Variants in SLC17A6 observed in about 807,000 individuals in gnomAD.
SLC17A6 encodes vesicular glutamate transporter 2.
A neutral mutation model predicts 67.1 loss-of-function variants in SLC17A6; 35 were observed. The ratio of observed to expected loss-of-function variants is 0.52; its 90% CI spans 0.40 to 0.69. The LOEUF is 0.69. SLC17A6 is among the 30% of genes least tolerant of loss of function. SLC17A6 has a pLI of 0.00. For missense variants in SLC17A6, 588 were observed against 723.9 expected, an observed-to-expected ratio of 0.81 and a Z score of 2.15; for synonymous variants, 285 against 252.3, an observed-to-expected ratio of 1.13 and a Z score of -1.23.
rs898890702 is a variant in SLC17A6, at chr11:22,341,554, G to A, written c.113G>A (p.Gly38Glu). 6.2e-7 allele frequency: 1 copy of A among 1,613,816 alleles called. No homozygotes were observed. Among genetic ancestry groups the A allele is most frequent in the African/African-American group, 1.3e-5 (1 of 74,940 alleles). Residue 38 changes from glycine (G) to glutamate (E), a missense_variant, in exon 2 of 12, where the codon GGG (glycine) becomes GAG (glutamate). Transcript: ENST00000263160. ...GTGCTGGAGAAGAAGCAAGACACCG[G>A]GGAGACAATCGAGCTGACGGAGGAT... ...YRVLEKKQDT[G>E]ETIELTEDGK...
In SLC17A6 at chr11:22,374,817, A is replaced by C. The variant is rs1314464711; in HGVS notation, c.1104A>C (p.Gln368His). 8 of 1,613,700 alleles carry C rather than the reference A, an allele frequency of 5.0e-6. No individual in the cohort carries two copies. The highest frequency in any genetic ancestry group is 6.8e-6 in the Non-Finnish European group (8 of 1,179,864). ...VMTIIVPIGGQIADFLRSKQI... is the reference protein window; with the variant it reads ...VMTIIVPIGGHIADFLRSKQI... ...CAATTATTGTGCCTATTGGGGGACA[A>C]ATTGCAGATTTTCTAAGAAGCAAGC... is the stretch of plus-strand genomic sequence containing the variant. Residue 368 changes from glutamine to histidine, a missense_variant, in exon 9 of 12, where the codon CAA becomes CAC. This residue lies in a region of SLC17A6 where 414 missense variants were observed against 563.4 expected (regional missense o/e 0.73). Transcript: ENST00000263160.
intron 8 of SLC17A6, among the ~76,000 whole-genome samples, chr11:22,372,645 A>G (rs1201868697): frequency 6.6e-6 from 1 of 152,144 alleles, no homozygotes; most frequent in African/African-American, 2.4e-5. Context: ...ATAGGAAGAC[A>G]TACGATCTAG....
In SLC17A6 at chr11:22,362,807, T is replaced by A; in HGVS notation, c.730T>A (p.Ser244Thr). ...GILVQYTGWS[S>T]VFYVYGSFGM... The stretch of plus-strand genomic sequence containing the variant: ...TCTTGTGCAGTACACTGGCTGGTCT[T>A]CAGTGTTTTATGTCTACGGTATGTT... The change falls in exon 6 of 12, where the codon TCA becomes ACA. Residue 244 changes from serine to threonine, a missense_variant. Transcript: ENST00000263160. The A allele has an allele frequency of 6.2e-7, 1 of 1,613,644 alleles. No individual in the cohort carries two copies. The highest frequency in any genetic ancestry group is 8.5e-7 in the Non-Finnish European group (1 of 1,179,540).
chr11:22,377,657 A>G lies in SLC17A6; in HGVS notation c.1666A>G (p.Ser556Gly). ...AACACAGGCCAATGGAGGTTGGCCT[A>G]GTGGTTGGGAAAAGAAAGAGGAATT... ...ATTQANGGWP[S>G]GWEKKEEFVQ... is the part of the protein sequence containing the mutation. Residue 556 changes from serine to glycine, a missense_variant, in exon 12 of 12, where the codon AGT becomes GGT. Coordinates refer to ENST00000263160, the MANE Select transcript of SLC17A6 (RefSeq NM_020346.3). 1 of 1,613,732 alleles carries G rather than the reference A, an allele frequency of 6.2e-7. No homozygotes were observed. Among genetic ancestry groups the G allele is most frequent in the Non-Finnish European group, 8.5e-7 (1 of 1,179,902 alleles).
intron 2 of SLC17A6, among the ~76,000 whole-genome samples, chr11:22,342,421 G>A (rs1225362165): frequency 6.6e-6 from 1 of 152,134 alleles, no homozygotes; most frequent in Non-Finnish European, 1.5e-5. Context: ...TGGAGAAACT[G>A]GGGAAGACTC....
chr11:22,361,158 A>G (rs1856047836), intron 5 of SLC17A6, 174 bp downstream of exon 5: 1 of 523,518 alleles, frequency 1.9e-6, no homozygotes, highest in East Asian at 3.0e-5. Context: ...TGTTTTGCTT[A>G]AATCTTCTAT....
intron 8 of SLC17A6, among the ~76,000 whole-genome samples, chr11:22,370,743 A>G (rs1856166294): frequency 6.6e-6 from 1 of 152,166 alleles, no homozygotes; most frequent in African/African-American, 2.4e-5. Flanking sequence ...CAGAAATAAA[A>G]ACATGGTTTC....
intron 9 of SLC17A6, among the ~76,000 whole-genome samples, chr11:22,375,319 C>T (rs1856220686): frequency 6.6e-6 from 1 of 150,882 alleles, no homozygotes; most frequent in Non-Finnish European, 1.5e-5. Context: ...TTGCAGTGAG[C>T]CGAGATCACA....
intron 3 of SLC17A6, among the ~76,000 whole-genome samples, chr11:22,357,232 A>G (rs1856001406): frequency 1.3e-5 from 2 of 152,236 alleles, no homozygotes; most frequent in Admixed American, 1.3e-4. Flanking sequence ...ATATGGTATA[A>G]TGAATAATAC....
chr11:22,365,791 G>T (rs1175595193), intron 7 of SLC17A6, 102 bp downstream of exon 7: 2 of 1,258,242 alleles, frequency 1.6e-6, no homozygotes, highest in East Asian at 2.5e-5. Context: ...AACTAATTTG[G>T]TATCAATCAT....
intron 6 of SLC17A6, among the ~76,000 whole-genome samples, chr11:22,364,455 G>T (rs1417418275): frequency 1.3e-5 from 2 of 151,964 alleles, no homozygotes; most frequent in Non-Finnish European, 2.9e-5. Context: ...TTACTGATTG[G>T]ATCATATAGC....
chr11:22,360,019 A>G (rs1411939617), intron 4 of SLC17A6, among the ~76,000 whole-genome samples: 1 of 152,072 alleles, frequency 6.6e-6, no homozygotes, highest in African/African-American at 2.4e-5. Context: ...AAAGAATTCC[A>G]CTTAAAAACT....
chr11:22,372,550 C>T (rs1407243820), intron 8 of SLC17A6, among the ~76,000 whole-genome samples: 1 of 151,990 alleles, frequency 6.6e-6, no homozygotes, highest in African/African-American at 2.4e-5. Context: ...ACATCCATTC[C>T]TTTTGAGCTT....
At chr11:22,340,262 G>C (rs968217335) in intron 1 of SLC17A6, among the ~76,000 whole-genome samples, 2 of 152,178 alleles carry the variant, frequency 1.3e-5, no homozygotes, top group African/African-American at 4.8e-5. Flanking sequence ...AATTGTAAAC[G>C]GAAAGGCTCT....
chr11:22,354,794 T>C (rs968102802), intron 3 of SLC17A6, among the ~76,000 whole-genome samples: 5 of 152,202 alleles, frequency 3.3e-5, no homozygotes, highest in African/African-American at 1.2e-4. Context: ...GGTTACACCG[T>C]CTGTGAAGTA....
At chr11:22,366,794 C>A (rs1399622604) in intron 7 of SLC17A6, among the ~76,000 whole-genome samples, 1 of 151,976 alleles carries the variant, frequency 6.6e-6, no homozygotes, top group Non-Finnish European at 1.5e-5. Flanking sequence ...TGCCTGAGGT[C>A]AGGAGTTTGA....
intron 7 of SLC17A6, among the ~76,000 whole-genome samples, chr11:22,369,117 T>C (rs1221453224): frequency 6.6e-6 from 1 of 151,990 alleles, no homozygotes; most frequent in Non-Finnish European, 1.5e-5. Flanking sequence ...TTTAACAAAG[T>C]TATTTTAGGC....
At chr11:22,367,273 T>A (rs1420014860) in intron 7 of SLC17A6, among the ~76,000 whole-genome samples, 2 of 151,304 alleles carry the variant, frequency 1.3e-5, no homozygotes, top group African/African-American at 2.4e-5. Context: ...TGACATCTCA[T>A]CATAGGTTAA....
At position 22,359,471 on chromosome 11, in the gene SLC17A6, G is replaced by A. The variant is rs201082803; in HGVS notation, c.517G>A (p.Ala173Thr). The A allele has an allele frequency of 1.0e-5, 16 of 1,604,620 alleles. No individual in the cohort carries two copies. Among genetic ancestry groups the A allele is most frequent in the Non-Finnish European group, 4.3e-6 (5 of 1,175,118 alleles). The change falls in exon 4 of 12, where the codon GCC (alanine) becomes ACC (threonine). Residue 173 changes from alanine (A) to threonine (T), a missense_variant. By Grantham distance (58) the Ala-to-Thr change is moderately conservative. Around this residue, in one of 4 missense-constraint regions of SLC17A6, gnomAD observed 414 missense variants for 563.4 expected, o/e 0.73. Transcript: ENST00000263160. Reference sequence around the variant, plus strand: ...CCTAAATATGCTAATTCCATCAGCAGCCAGAGTGCATTATGGATGTGTCAT... The same window carrying A: ...CCTAAATATGCTAATTCCATCAGCAACCAGAGTGCATTATGGATGTGTCAT... ...STLNMLIPSA[A>T]RVHYGCVIFV...
Sources: allele counts gnomAD v4.1 joint callset (sites outside exome capture counted in the v4.1 genomes callset), GRCh38; gene constraint gnomAD v4.1.1; regional missense constraint gnomAD v4.1.1; transcripts MANE v1.5; gene names NCBI Gene and HGNC (gene_info 2026-07-23, HGNC 2026-07-21).